The following IPO11 variants were observed in gnomAD, a reference collection of about 807,000 sequenced individuals.
IPO11 encodes the protein importin 11.
In IPO11, 66 loss-of-function variants were observed where a neutral mutation model predicts 143.2. The observed-to-expected ratio is 0.46, with a 90% CI of 0.38 to 0.57. IPO11 has a LOEUF of 0.57. IPO11 is among the 20% of genes least tolerant of loss of function. The pLI, the probability that IPO11 is intolerant of heterozygous loss-of-function variation, is 0.00. For missense variants in IPO11, 1,026 were observed against 1,141.0 expected, an observed-to-expected ratio of 0.90 and a Z score of 1.45; for synonymous variants, 385 against 377.8, an observed-to-expected ratio of 1.02 and a Z score of -0.22.
chr5:62,468,697 T>C (rs1031786987), intron 6 of IPO11, among the ~76,000 whole-genome samples: 2 of 152,208 alleles, frequency 1.3e-5, no homozygotes, highest in Non-Finnish European at 2.9e-5. Context: ...TTTCAAAGCC[T>C]AACTCCTGAC....
intron 9 of IPO11, among the ~76,000 whole-genome samples, chr5:62,477,039 A>G (rs1287234119): frequency 6.6e-6 from 1 of 152,160 alleles, no homozygotes; most frequent in African/African-American, 2.4e-5. Flanking sequence ...TCTTTGACCC[A>G]CTGGAGAAAG....
Position 62,536,725 on chromosome 5 carries a change from A to G in IPO11, c.2113A>G (p.Thr705Ala). 6.3e-7 allele frequency: 1 copy of G among 1,578,884 alleles called. No individual in the cohort carries two copies. The highest frequency in any genetic ancestry group is 1.4e-5 in the African/African-American group (1 of 72,168). Residue 705 changes from threonine (T) to alanine (A), a missense_variant, in exon 23 of 30, where the codon ACT (threonine) becomes GCT (alanine). Physicochemically the swap from Thr to Ala is moderately conservative, Grantham distance 58 (BLOSUM62 0). This residue lies in a region of IPO11 where 351 missense variants were observed against 358.9 expected (regional missense o/e 0.98). Transcript: ENST00000325324. ...LLELSSENLR[T>A]CFKIINGYIF... is the part of the protein sequence containing the mutation. ...AGAACTAAGTTCAGAAAATCTTAGAACTTGCTTTAAGATCATCAATGGTTA... is the reference window on the plus strand; with the variant it reads ...AGAACTAAGTTCAGAAAATCTTAGAGCTTGCTTTAAGATCATCAATGGTTA...
At chr5:62,621,939 A>T (rs1746395064) in intron 29 of IPO11, among the ~76,000 whole-genome samples, 1 of 152,080 alleles carries the variant, frequency 6.6e-6, no homozygotes, top group South Asian at 2.1e-4. Flanking sequence ...CTCCCTCAAA[A>T]TTGCCTCAGT....
At chr5:62,485,374 A>C (rs1746361307) in intron 11 of IPO11, 45 bp from the exon 12 acceptor site, 2 of 1,480,394 alleles carry the variant, frequency 1.4e-6, no homozygotes, top group Non-Finnish European at 1.9e-6. Context: ...TTGTTTTCTA[A>C]ACCAAGATGT....
intron 21 of IPO11, among the ~76,000 whole-genome samples, chr5:62,527,870 A>C (rs965786303): frequency 2.0e-5 from 3 of 152,198 alleles, no homozygotes; most frequent in African/African-American, 7.2e-5. Context: ...AATCAGGCAA[A>C]CATAGGTGCC....
At position 62,428,502 on chromosome 5, in the gene IPO11, C is replaced by G. The variant is rs138507550; in HGVS notation, c.-6-8772C>G. On this transcript the variant is annotated intron_variant, in intron 1 of 29. Transcript: ENST00000325324. ...AGGATTACAGATGCACGCCACTACACCTGGCTAATTTTTGTATTTTTAGTA... is the reference window on the plus strand; with the variant it reads ...AGGATTACAGATGCACGCCACTACAGCTGGCTAATTTTTGTATTTTTAGTA... 4.0e-3 allele frequency among the ~76,000 whole-genome samples: 601 copies of G among 152,028 alleles called. 3 individuals are homozygous for G. Among genetic ancestry groups the G allele is most frequent in the Middle Eastern group, 0.014 (4 of 294 alleles).
intron 1 of IPO11, among the ~76,000 whole-genome samples, chr5:62,426,929 C>CTTTTTT (rs1418832059): frequency 1.0e-5 from 1 of 95,456 alleles, no homozygotes; most frequent in Non-Finnish European, 2.2e-5. Flanking sequence ...TTTTTTCTTT[C>CTTTTTT]TGTTTTTTTT....
rs763031944 is a variant in IPO11 at position 62,426,931 on chromosome 5, GTTTTT to G, written c.-6-10324_-6-10320del. Among the ~76,000 whole-genome samples, 43 of 90,256 alleles carry G rather than the reference GTTTTT, an allele frequency of 4.8e-4. No individual in the cohort carries two copies. The East Asian group carries it at 0.01, about 21-fold the overall frequency. 59.2% of individuals were successfully genotyped at this position (90,256 alleles called of 152,430 possible). On this transcript the variant is annotated intron_variant, in intron 1 of 29. Coordinates refer to ENST00000325324, the MANE Select transcript of IPO11 (RefSeq NM_016338.5). ...CAAAATGCACTTCTTTTTTCTTTCT[GTTTTT>G]TTTTTTTTTTTTTTTTTTGATACGG...
intron 5 of IPO11, among the ~76,000 whole-genome samples, chr5:62,459,281 T>C (rs1745274796): frequency 6.6e-6 from 1 of 152,072 alleles, no homozygotes; most frequent in African/African-American, 2.4e-5. Flanking sequence ...GAAAACAAAA[T>C]GAAAATTAGA....
At chr5:62,455,462 G>T (rs763227405) in intron 5 of IPO11, among the ~76,000 whole-genome samples, 10 of 152,202 alleles carry the variant, frequency 6.6e-5, no homozygotes, top group Non-Finnish European at 1.3e-4. Context: ...GGCGGAGGCT[G>T]CAGTGAACCG....
chr5:62,419,222 T>TA (rs1743411015), intron 1 of IPO11: 1 of 1,317,350 alleles, frequency 7.6e-7, no homozygotes, highest in Non-Finnish European at 1.0e-6. Flanking sequence ...ACAGGGCACT[T>TA]ACCTCGAATG....
intron 29 of IPO11, among the ~76,000 whole-genome samples, chr5:62,610,331 T>G (rs918638894): frequency 6.6e-6 from 1 of 152,202 alleles, no homozygotes; most frequent in African/African-American, 2.4e-5. Flanking sequence ...TTACAAAGTT[T>G]GTAGATAGAT....
rs1162127149 is a variant in IPO11, at chr5:62,485,384, T to C, written c.1175-35T>C. 3 of 1,538,548 alleles carry C rather than the reference T, an allele frequency of 1.9e-6. 1 individual carries two copies. In the South Asian group the frequency reaches 3.4e-5, roughly 17 times the overall value. ...AATCTTTGTTTTCTAAACCAAGATG[T>C]TGAAAATGTCATTATTACATATTTT... On this transcript the variant is annotated intron_variant, in intron 11 of 29. Coordinates refer to ENST00000325324, the MANE Select transcript of IPO11 (RefSeq NM_016338.5).
At chr5:62,417,827 A>T (rs975372748) in intron 1 of IPO11, among the ~76,000 whole-genome samples, 1 of 152,134 alleles carries the variant, frequency 6.6e-6, no homozygotes, top group African/African-American at 2.4e-5. Flanking sequence ...AACGTTGTGT[A>T]TTTCAACCTT....
chr5:62,560,707 GC>G (rs1300077544), intron 26 of IPO11: 2 of 152,506 alleles, frequency 1.3e-5, no homozygotes, highest in East Asian at 3.8e-4. Context: ...GTTTGAGGTT[GC>G]AACTTGTCCT....
At chr5:62,415,966 C>G (rs1462969030) in intron 1 of IPO11, among the ~76,000 whole-genome samples, 1 of 152,136 alleles carries the variant, frequency 6.6e-6, no homozygotes, top group Non-Finnish European at 1.5e-5. Context: ...GCCGCCACAA[C>G]AAAATACCTT....
At chr5:62,524,913 C>T (rs908078983) in intron 20 of IPO11, among the ~76,000 whole-genome samples, 1 of 152,064 alleles carries the variant, frequency 6.6e-6, no homozygotes, top group Non-Finnish European at 1.5e-5. Context: ...TTTTTGTGTT[C>T]ATGAAATTAT....
In IPO11 at chr5:62,524,858, ATTAC is replaced by A. The variant is rs149273028; in HGVS notation, c.1897-1281_1897-1278del. 6.9e-3 allele frequency among the ~76,000 whole-genome samples: 1,053 copies of A among 152,290 alleles called. 9 individuals carry two copies. Among genetic ancestry groups the A allele is most frequent in the African/African-American group, 0.024 (1,018 of 41,554 alleles). ...TGCTTTGAATTATATTGACATTTGA[ATTAC>A]TTCTTAGGTGAGGAGGTATTTTGTA... On this transcript the variant is annotated intron_variant, in intron 20 of 29. Transcript: ENST00000325324.
intron 28 of IPO11, among the ~76,000 whole-genome samples, chr5:62,595,076 A>G (rs1203744620): frequency 1.3e-5 from 2 of 152,194 alleles, no homozygotes; most frequent in African/African-American, 4.8e-5. Flanking sequence ...GACCAGTGGA[A>G]CAACCTGGAA....
Sources: allele counts gnomAD v4.1 joint callset (sites outside exome capture counted in the v4.1 genomes callset), GRCh38; gene constraint gnomAD v4.1.1; regional missense constraint gnomAD v4.1.1; transcripts MANE v1.5; gene names NCBI Gene and HGNC (gene_info 2026-07-23, HGNC 2026-07-21).